Variants in MCC observed in about 807,000 individuals in gnomAD.
MCC encodes MCC regulator of Wnt signaling pathway.
MCC carries 90 observed loss-of-function variants against 116.2 expected under a neutral mutation model. The observed-to-expected ratio is 0.77, with a 90% CI of 0.65 to 0.92. The LOEUF is 0.92. Among genes scored for constraint, MCC ranks in the 40% least tolerant of loss-of-function variants. The pLI is 0.00. For synonymous variants in MCC, 578 were observed against 510.5 expected (o/e 1.13, Z -1.78); for missense variants, 1,516 against 1,312.2 (o/e 1.16, Z -2.40).
At position 113,209,450 on chromosome 5, in the gene MCC, G is replaced by C. The variant is rs189642629; in HGVS notation, c.628-58028C>G. ...GGTTCCTCCAAACCCAGCCCATAAAGCCTACAGAGGAAATAGAAAGATGAC... is the reference window on the plus strand; with the variant it reads ...GGTTCCTCCAAACCCAGCCCATAAACCCTACAGAGGAAATAGAAAGATGAC... On this transcript the variant is annotated intron_variant, in intron 3 of 18. Transcript: ENST00000408903. Among the ~76,000 whole-genome samples the C allele has an allele frequency of 1.6e-3, 251 of 152,268 alleles. 1 individual carries two copies. Among genetic ancestry groups the C allele is most frequent in the African/African-American group, 5.7e-3 (238 of 41,544 alleles).
chr5:113,485,192 C>G (rs2150437660), intron 1 of MCC, among the ~76,000 whole-genome samples: 1 of 152,274 alleles, frequency 6.6e-6, no homozygotes, highest in East Asian at 1.9e-4. Flanking sequence ...GACATTTCCC[C>G]TCACGGCCCA....
chr5:113,418,212 G>T (rs1437872880), intron 1 of MCC, among the ~76,000 whole-genome samples: 3 of 151,186 alleles, frequency 2.0e-5, no homozygotes, highest in Non-Finnish European at 4.4e-5. Flanking sequence ...AATGAACCCC[G>T]TTTAAATAGG....
At chr5:113,397,581 A>G (rs976999041) in intron 1 of MCC, among the ~76,000 whole-genome samples, 4 of 152,182 alleles carry the variant, frequency 2.6e-5, no homozygotes, top group Non-Finnish European at 5.9e-5. Flanking sequence ...AAGCTTTTTC[A>G]ATGGGGAAAA....
In MCC at chr5:113,039,709, G is replaced by A. The variant is rs749234445; in HGVS notation, c.2756+3821C>T. 3.0e-3 allele frequency among the ~76,000 whole-genome samples: 309 copies of A among 102,866 alleles called. 3 individuals are homozygous for A. The highest frequency in any genetic ancestry group is 4.3e-3 in the Non-Finnish European group (213 of 49,282). 67.5% of individuals were successfully genotyped at this position (102,866 alleles called of 152,430 possible). A position where few individuals can be genotyped will look rare whatever the true frequency, so the allele number is the denominator to read the frequency against. On this transcript the variant is annotated intron_variant, in intron 17 of 18. Transcript: ENST00000408903. ...TCACTCAGCCTTGCCGTCCCACTCC[G>A]CGCCCCCCCCCCCAACCCACCCCAG...
intron 3 of MCC, among the ~76,000 whole-genome samples, chr5:113,155,685 G>A (rs1046893740): frequency 6.6e-6 from 1 of 152,162 alleles, no homozygotes; most frequent in Non-Finnish European, 1.5e-5. Context: ...TCTAACTTGA[G>A]AGATTCAGAC....
chr5:113,074,158 C>T (rs941399504), intron 11 of MCC, among the ~76,000 whole-genome samples: 15 of 152,228 alleles, frequency 9.9e-5, no homozygotes, highest in Non-Finnish European at 2.9e-5. Flanking sequence ...CCTCATACAG[C>T]TGGGTGCCCC....
At chr5:113,357,043 C>T (rs1768431368) in intron 2 of MCC, among the ~76,000 whole-genome samples, 1 of 152,170 alleles carries the variant, frequency 6.6e-6, no homozygotes, top group Non-Finnish European at 1.5e-5. Context: ...AGTCATGCTG[C>T]TTAGTATCAG....
chr5:113,262,610 A>G (rs779023314), intron 3 of MCC, among the ~76,000 whole-genome samples: 2 of 152,168 alleles, frequency 1.3e-5, no homozygotes, highest in Non-Finnish European at 2.9e-5. Flanking sequence ...TCCTCTTTCT[A>G]TAGAAATAAA....
chr5:113,287,674 T>C (rs574412218), intron 3 of MCC, among the ~76,000 whole-genome samples: 11 of 152,314 alleles, frequency 7.2e-5, no homozygotes, highest in African/African-American at 2.4e-4. Flanking sequence ...ATCTTCCAAT[T>C]GCAGCCCCAC....
intron 1 of MCC, among the ~76,000 whole-genome samples, chr5:113,421,470 A>G (rs1179547172): frequency 1.3e-5 from 2 of 152,224 alleles, no homozygotes; most frequent in Non-Finnish European, 2.9e-5. Flanking sequence ...GAAATAACAT[A>G]TTAATGGTCC....
intron 3 of MCC, among the ~76,000 whole-genome samples, chr5:113,188,120 A>G (rs893128973): frequency 2.0e-5 from 3 of 152,234 alleles, no homozygotes; most frequent in Admixed American, 2.0e-4. Flanking sequence ...CCGAGGAAGC[A>G]AGGACCTCAG....
At chr5:113,374,823 T>C (rs1228816341) in intron 2 of MCC, among the ~76,000 whole-genome samples, 1 of 151,768 alleles carries the variant, frequency 6.6e-6, no homozygotes, top group Non-Finnish European at 1.5e-5. Context: ...AAATCCCATC[T>C]CTACAAAAAA....
chr5:113,207,744 G>A (rs958850588), intron 3 of MCC, among the ~76,000 whole-genome samples: 2 of 152,110 alleles, frequency 1.3e-5, no homozygotes, highest in African/African-American at 4.8e-5. Context: ...AGTGAAATGA[G>A]GTATATCAAT....
intron 2 of MCC, among the ~76,000 whole-genome samples, chr5:113,359,031 A>C (rs1768480654): frequency 6.6e-6 from 1 of 152,218 alleles, no homozygotes; most frequent in Non-Finnish European, 1.5e-5. Flanking sequence ...CCTAAGGAAA[A>C]ATAAAGAGCA....
intron 17 of MCC, among the ~76,000 whole-genome samples, chr5:113,031,610 T>C (rs1044175467): frequency 6.6e-6 from 1 of 152,108 alleles, no homozygotes; most frequent in African/African-American, 2.4e-5. Flanking sequence ...GAGTTAAAAA[T>C]GTAACCACAA....
At chr5:113,258,365 A>G (rs143919861) in intron 3 of MCC, among the ~76,000 whole-genome samples, 1 of 152,362 alleles carries the variant, frequency 6.6e-6, no homozygotes, top group Admixed American at 6.5e-5. Context: ...CCCCTGGTCT[A>G]TGGACCAGAC....
chr5:113,407,631 T>A (rs10079321), intron 1 of MCC, among the ~76,000 whole-genome samples: 4,750 of 152,260 alleles, frequency 0.031, 111 homozygotes, highest in African/African-American at 0.064. Flanking sequence ...CCCTCATTTT[T>A]AAAAATTTTT....
chr5:113,076,660 G>A (rs190637160), intron 11 of MCC, among the ~76,000 whole-genome samples: 1 of 152,246 alleles, frequency 6.6e-6, no homozygotes, highest in Admixed American at 6.5e-5. Flanking sequence ...CCTAAAGGAA[G>A]CATAAACATG....
intron 17 of MCC, among the ~76,000 whole-genome samples, chr5:113,041,717 G>A (rs1751716009): frequency 6.6e-6 from 1 of 152,182 alleles, no homozygotes; most frequent in East Asian, 1.9e-4. Context: ...TGGGATGGCC[G>A]GGTGCAGTGG....
Sources: gnomAD v4.1 joint callset for allele counts (sites outside exome capture counted in the v4.1 genomes callset) on GRCh38, gnomAD v4.1.1 for gene constraint, MANE v1.5 for transcripts, NCBI Gene and HGNC (gene_info 2026-07-23, HGNC 2026-07-21) for gene names.